COL18A1: variants seen among roughly 807,000 people sequenced by gnomAD.
COL18A1 encodes the protein collagen type XVIII alpha 1 chain.
In COL18A1, 133 loss-of-function variants were observed where a neutral mutation model predicts 168.0. That is an observed-to-expected ratio of 0.79 (90% CI 0.69 to 0.91). The LOEUF is 0.91. COL18A1 is among the 40% of genes least tolerant of loss of function. The pLI is 0.00. For synonymous variants in COL18A1, 949 were observed against 809.0 expected (o/e 1.17, Z -2.94); for missense variants, 2,126 against 1,925.4 (o/e 1.10, Z -1.95).
chr21:45,500,703 TTGGG>T (rs1438896907), intron 32 of COL18A1, among the ~76,000 whole-genome samples: 5 of 21,382 alleles, frequency 2.3e-4, no homozygotes, highest in East Asian at 2.1e-3. Flanking sequence ...TGTGTGTGTG[TTGGG>T]TGTGTAGTGT....
chr21:45,507,639 G>A (rs2037300214), intron 38 of COL18A1, 46 bp downstream of exon 38: 1 of 1,568,694 alleles, frequency 6.4e-7, no homozygotes, highest in Non-Finnish European at 8.8e-7. Flanking sequence ...GTCAGGACAT[G>A]AGGGGGTATG....
At chr21:45,420,588 G>C (rs1192769026) in intron 2 of COL18A1, 2 of 152,194 alleles carry the variant, frequency 1.3e-5, no homozygotes, top group African/African-American at 4.8e-5. Context: ...ATTATATCTA[G>C]AGAACCAGGG....
chr21:45,488,281 C>T, intron 17 of COL18A1, 137 bp from the exon 18 acceptor site: 1 of 1,095,798 alleles, frequency 9.1e-7, no homozygotes, highest in Non-Finnish European at 1.4e-6. Flanking sequence ...ATGGCTTTAC[C>T]ATTTTAACTT....
At chr21:45,502,087 C>T (rs113641645) in intron 32 of COL18A1, among the ~76,000 whole-genome samples, 12 of 129,036 alleles carry the variant, frequency 9.3e-5, no homozygotes, top group East Asian at 2.4e-4. Flanking sequence ...CCCAGGGGCT[C>T]CACAGCCGGT....
At chr21:45,461,405 T>C (rs901635694) in intron 2 of COL18A1, among the ~76,000 whole-genome samples, 3 of 152,000 alleles carry the variant, frequency 2.0e-5, no homozygotes, top group South Asian at 2.1e-4. Context: ...GGGTGGCAGC[T>C]GTGCCCCATT....
Position 45,505,403 on chromosome 21 carries a change from C to A in COL18A1, c.3059C>A (p.Pro1020His). ...CCGGGCCCCCCTGGGCCCCCTGGGC[C>A]CCCTGGAACCATGGGCGCCTCCTCA... ...GPPGPPGPPG[P>H]PGTMGASSGV... The change falls in exon 36 of 42, where the codon CCC (proline) becomes CAC (histidine). Residue 1020 changes from proline (P) to histidine (H), a missense_variant. By Grantham distance (77) the Pro-to-His change is moderately conservative. Transcript: ENST00000651438. The A allele has an allele frequency of 6.3e-7, 1 of 1,584,282 alleles. No individual in the cohort carries two copies. The highest frequency in any genetic ancestry group is 8.6e-7 in the Non-Finnish European group (1 of 1,159,118).
chr21:45,496,354 G>GT, intron 29 of COL18A1, 146 bp from the exon 30 acceptor site: 1 of 736,678 alleles, frequency 1.4e-6, no homozygotes, highest in Non-Finnish European at 2.5e-6. Flanking sequence ...CGTGGCCCGA[G>GT]TGACCCACTG....
At chr21:45,458,335 T>C (rs1349060890) in intron 2 of COL18A1, among the ~76,000 whole-genome samples, 1 of 150,820 alleles carries the variant, frequency 6.6e-6, no homozygotes, top group Non-Finnish European at 1.5e-5. Flanking sequence ...TGGCATCTCG[T>C]AGGGCTGGAG....
At position 45,505,909 on chromosome 21, in the gene COL18A1, C is replaced by A; in HGVS notation, c.3159C>A (p.Phe1053Leu). Residue 1053 changes from phenylalanine to leucine, a missense_variant, in exon 37 of 42, where the codon TTC becomes TTA. By Grantham distance (22) the Phe-to-Leu change is conservative. Transcript: ENST00000651438. ...VHEVPEGWLI[F>L]VAEQEELYVR... ...AGGTTCCCGAGGGCTGGCTCATCTT[C>A]GTGGCCGAGCAGGAGGAGCTCTACG... 6.2e-7 allele frequency: 1 copy of A among 1,612,986 alleles called. No individual in the cohort carries two copies.
intron 32 of COL18A1, chr21:45,502,852 C>T (rs1414589004): frequency 1.3e-5 from 2 of 152,200 alleles, no homozygotes; most frequent in African/African-American, 4.8e-5. Context: ...GCTCTTTTCT[C>T]AGCACGTCTC....
At position 45,496,587 on chromosome 21, in the gene COL18A1, C is replaced by T. The variant is rs1474488500; in HGVS notation, c.2577+19C>T. On this transcript the variant is annotated intron_variant, in intron 30 of 41. Transcript: ENST00000651438. ...CAGCAATGTAAGTCCCCAGGGCACC[C>T]ACTGTCCTACAGCCACCCTTGGCTG... 3.4e-6 allele frequency: 4 copies of T among 1,182,872 alleles called. No individual in the cohort carries two copies. The African/African-American group carries it at 5.4e-5, about 16-fold the overall frequency. The allele number at this position is 1,182,872 out of a possible 1,614,324, so 73.3% of individuals were successfully genotyped here. A position where few individuals can be genotyped will look rare whatever the true frequency, so the allele number is the denominator to read the frequency against.
intron 4 of COL18A1, 61 bp downstream of exon 4, chr21:45,474,042 G>A (rs1602473495): frequency 3.7e-6 from 5 of 1,358,572 alleles, no homozygotes; most frequent in African/African-American, 1.4e-5. Flanking sequence ...CGGAGTTCAG[G>A]GCCAAGGTCT....
intron 2 of COL18A1, among the ~76,000 whole-genome samples, chr21:45,449,387 C>A (rs1017582262): frequency 6.6e-6 from 1 of 152,202 alleles, no homozygotes; most frequent in Admixed American, 6.5e-5. Flanking sequence ...GGTTGAAGAC[C>A]TCAGGCTCCC....
rs562075370 is a variant in COL18A1, at chr21:45,459,719, C to T, written c.107-8523C>T. ...AGGAAGGGAGTGAGGCCCCCTCACA[C>T]GGGAGGGCCGGGGTGGGGTAGGGAG... is the stretch of plus-strand genomic sequence containing the variant. On this transcript the variant is annotated intron_variant, in intron 2 of 41. Transcript: ENST00000651438. 6.6e-5 allele frequency among the ~76,000 whole-genome samples: 10 copies of T among 152,280 alleles called. No individual in the cohort carries two copies. In the South Asian group the frequency reaches 8.3e-4, roughly 13 times the overall value.
At chr21:45,432,436 A>C (rs534037872) in intron 2 of COL18A1, among the ~76,000 whole-genome samples, 314 of 152,322 alleles carry the variant, frequency 2.1e-3, no homozygotes, top group African/African-American at 7.1e-3. Context: ...CCCTCTGCAC[A>C]GGGCCTGGAG....
Position 45,468,132 on chromosome 21 carries a change from C to T in COL18A1, c.107-110C>T, listed in dbSNP as rs1174020517. The T allele has an allele frequency of 1.7e-5, 21 of 1,217,438 alleles. No individual in the cohort carries two copies. In the East Asian group the frequency reaches 4.9e-4, roughly 29 times the overall value. 75.4% of individuals were successfully genotyped at this position (1,217,438 alleles called of 1,614,324 possible). The stretch of plus-strand genomic sequence containing the variant: ...CTGCCAGGCACGTGGAGAGCCCTCC[C>T]AGACTCAGTTTCTCCTTTCTGCCCC... On this transcript the variant is annotated intron_variant, in intron 2 of 41. Transcript: ENST00000651438.
chr21:45,477,865 C>T lies in COL18A1; in HGVS notation c.1121C>T (p.Pro374Leu). The change falls in exon 8 of 42, where the codon CCC (proline) becomes CTC (leucine). Residue 374 changes from proline to leucine, a missense_variant. Physicochemically the swap from Pro to Leu is moderately conservative, Grantham distance 98 (BLOSUM62 -3). Transcript: ENST00000651438. ...GPPGLPCPVS[P>L]LGPAGPALQT... ...CCGGGTCTCCCGTGCCCAGTGAGTC[C>T]CCTGGGTCCTGCAGGCCCAGCGTTG... The T allele has an allele frequency of 6.4e-7, 1 of 1,555,380 alleles. No homozygotes were observed. Among genetic ancestry groups the T allele is most frequent in the Non-Finnish European group, 8.7e-7 (1 of 1,149,338 alleles).
rs535242986 is a variant in COL18A1 at position 45,419,501 on chromosome 21, C to T, written c.106+14028C>T. Among the ~76,000 whole-genome samples, 168 of 152,228 alleles carry T rather than the reference C, an allele frequency of 1.1e-3. 1 individual carries two copies. Among genetic ancestry groups the T allele is most frequent in the African/African-American group, 3.7e-3 (155 of 41,544 alleles). On this transcript the variant is annotated intron_variant, in intron 2 of 41. Coordinates refer to ENST00000651438, the MANE Select transcript of COL18A1 (RefSeq NM_001379500.1). Reference sequence around the variant, plus strand: ...CTGGGTGCTCTCTGAGGCCGCCCATCACTGTTCGGGCCCTGGGGTGGGAGC... The same window carrying T: ...CTGGGTGCTCTCTGAGGCCGCCCATTACTGTTCGGGCCCTGGGGTGGGAGC...
At position 45,471,454 on chromosome 21, in the gene COL18A1, G is replaced by A. The variant is rs1185686707; in HGVS notation, c.652-2441G>A. Reference sequence around the variant, plus strand: ...AAACAAGCACAGAGCTTTGGGAGCAGGGAGGAAACCGAGGCTTCCTCCTCC... The same window carrying A: ...AAACAAGCACAGAGCTTTGGGAGCAAGGAGGAAACCGAGGCTTCCTCCTCC... On this transcript the variant is annotated intron_variant, in intron 3 of 41. Coordinates refer to ENST00000651438, the MANE Select transcript of COL18A1 (RefSeq NM_001379500.1). The surrounding 1 kb of genome is among the most constrained non-coding windows in gnomAD (Gnocchi z 4.4). 3.9e-5 allele frequency among the ~76,000 whole-genome samples: 6 copies of A among 152,332 alleles called. No homozygotes were observed. The highest frequency in any genetic ancestry group is 8.8e-5 in the Non-Finnish European group (6 of 68,022).
Sources: allele counts gnomAD v4.1 joint callset (sites outside exome capture counted in the v4.1 genomes callset), GRCh38; gene constraint gnomAD v4.1.1; non-coding constraint Gnocchi (gnomAD v3.1); transcripts MANE v1.5; gene names NCBI Gene and HGNC (gene_info 2026-07-23, HGNC 2026-07-21).